The following MPC2 variants were observed in gnomAD, a reference collection of about 807,000 sequenced individuals.
MPC2 encodes the protein mitochondrial pyruvate carrier 2.
In MPC2, 19 loss-of-function variants were observed where a neutral mutation model predicts 19.2. The observed-to-expected ratio is 0.99, with a 90% confidence interval of 0.69 to 1.45. The LOEUF (loss-of-function observed/expected upper bound fraction) is 1.45, where lower values mean the gene tolerates loss of function less well. MPC2 is among the 40% of genes most tolerant of loss of function. MPC2 has a pLI of 0.00. For missense variants in MPC2, 122 were observed against 153.0 expected, an observed-to-expected ratio of 0.80 and a Z score of 1.07; for synonymous variants, 61 against 54.3, an observed-to-expected ratio of 1.12 and a Z score of -0.54.
chr1:167,933,069 C>A (rs1041526597), intron 2 of MPC2, among the ~76,000 whole-genome samples: 5 of 151,952 alleles, frequency 3.3e-5, no homozygotes, highest in African/African-American at 4.8e-5. Context: ...CCAGCAAAAA[C>A]ACATAGGCAA....
At position 167,933,926 on chromosome 1, in the gene MPC2, C is replaced by G. The variant is rs115446165; in HGVS notation, c.109+1807G>C. ...ACATGTTTTAGAGACATTAGATCAT[C>G]TGATTTTCACAACAATCCTGAAATG... On this transcript the variant is annotated intron_variant, in intron 2 of 5. Transcript: ENST00000271373. 6.2e-3 allele frequency among the ~76,000 whole-genome samples: 947 copies of G among 152,286 alleles called. 9 individuals carry two copies. The highest frequency in any genetic ancestry group is 0.022 in the African/African-American group (895 of 41,538).
chr1:167,935,655 T>A, intron 2 of MPC2, 78 bp downstream of exon 2: 1 of 1,230,816 alleles, frequency 8.1e-7, no homozygotes, highest in Non-Finnish European at 1.2e-6. Flanking sequence ...GAGGCAGTTG[T>A]CAGAGGGCCT....
rs890272455 is a variant in MPC2, at chr1:167,917,984, G to A, written c.*339C>T. On this transcript the variant is annotated 3_prime_UTR_variant, in exon 6 of 6. Transcript: ENST00000271373. ...CTGACCATCCTACACTAAATAAGCAGATAATTTAATCTTCCAACTTCTTGA... is the reference window on the plus strand; with the variant it reads ...CTGACCATCCTACACTAAATAAGCAAATAATTTAATCTTCCAACTTCTTGA... The A allele has an allele frequency of 1.1e-5, 2 of 189,614 alleles. No homozygotes were observed. Among genetic ancestry groups the A allele is most frequent in the African/African-American group, 4.7e-5 (2 of 42,708 alleles). The allele number at this position is 189,614 out of a possible 1,614,324, so 11.7% of individuals were successfully genotyped here.
At chr1:167,927,526 G>C (rs1162166735) in intron 2 of MPC2, among the ~76,000 whole-genome samples, 1 of 152,130 alleles carries the variant, frequency 6.6e-6, no homozygotes, top group Non-Finnish European at 1.5e-5. Flanking sequence ...GGCTGAATGG[G>C]TGTTCATTTT....
rs987303571 is a variant in MPC2, at chr1:167,917,151, C to T, written c.*1172G>A. 1 of 152,246 alleles carries T rather than the reference C, an allele frequency of 6.6e-6. No homozygotes were observed. Among genetic ancestry groups the T allele is most frequent in the African/African-American group, 2.4e-5 (1 of 41,464 alleles). The allele number at this position is 152,246 out of a possible 1,614,324, so 9.4% of individuals were successfully genotyped here. On this transcript the variant is annotated 3_prime_UTR_variant, in exon 6 of 6. Transcript: ENST00000271373. ...TTTAGAAAAAAAGCTCTGCACTCCACACTGAAAGTCAAATCAAATAGATAG... is the reference window on the plus strand; with the variant it reads ...TTTAGAAAAAAAGCTCTGCACTCCATACTGAAAGTCAAATCAAATAGATAG...
chr1:167,924,348 C>A, intron 3 of MPC2, 149 bp downstream of exon 3: 1 of 572,338 alleles, frequency 1.7e-6, no homozygotes, highest in Non-Finnish European at 2.9e-6. Context: ...ATGTAGAAAA[C>A]GATATGTCTG....
Position 167,919,119 on chromosome 1 carries a change from C to A in MPC2, c.348-760G>T, listed in dbSNP as rs189020254. On this transcript the variant is annotated intron_variant, in intron 5 of 5. Transcript: ENST00000271373. ...AAAGTAAAATATACTAAAGTAATCA[C>A]TAAAGTAAAATATACTTCTAACCAC... Among the ~76,000 whole-genome samples the A allele has an allele frequency of 2.6e-5, 4 of 152,274 alleles. No homozygotes were observed. The East Asian group carries it at 7.7e-4, about 29-fold the overall frequency.
chr1:167,935,988 C>G, intron 1 of MPC2, 90 bp from the exon 2 acceptor site: 1 of 664,088 alleles, frequency 1.5e-6, no homozygotes, highest in Non-Finnish European at 2.6e-6. Context: ...GCTTTCCCTG[C>G]CCGCTGTGAA....
chr1:167,928,720 A>G (rs1670823241), intron 2 of MPC2, among the ~76,000 whole-genome samples: 2 of 152,276 alleles, frequency 1.3e-5, no homozygotes, highest in African/African-American at 4.8e-5. Flanking sequence ...ATAGGAGAGC[A>G]TAAAAATAGA....
intron 3 of MPC2, 137 bp downstream of exon 3, chr1:167,924,360 G>T: frequency 3.1e-6 from 2 of 645,450 alleles, no homozygotes; most frequent in South Asian, 2.6e-5. Context: ...ATATGTCTGA[G>T]AATATTTGCC....
At position 167,919,635 on chromosome 1, in the gene MPC2, C is replaced by G. The variant is rs1029900286; in HGVS notation, c.347+344G>C. 7.2e-5 allele frequency among the ~76,000 whole-genome samples: 11 copies of G among 152,142 alleles called. No homozygotes were observed. The Middle Eastern group carries it at 0.01, about 141-fold the overall frequency. ...AGGTTTACATAAGAAATTAATAAAT[C>G]ATAAACTGTATATGTTGTCTTAATA... On this transcript the variant is annotated intron_variant, in intron 5 of 5. Transcript: ENST00000271373.
At chr1:167,931,997 T>C (rs1325622485) in intron 2 of MPC2, among the ~76,000 whole-genome samples, 2 of 152,202 alleles carry the variant, frequency 1.3e-5, no homozygotes, top group Non-Finnish European at 2.9e-5. Flanking sequence ...ATGTTAAGAA[T>C]GATATTCTCA....
At position 167,924,518 on chromosome 1, in the gene MPC2, G is replaced by GA. The variant is rs1260419835; in HGVS notation, c.128dup (p.Trp44LeufsTer16). ...TTACCCATTTCATAATTGGAGCCCA[G>GA]AAGAAAACTGTTCTGGGACCTGAAA... On this transcript the variant is annotated frameshift_variant, in exon 3 of 6. Coordinates refer to ENST00000271373, the MANE Select transcript of MPC2 (RefSeq NM_001143674.4). LOFTEE classifies it high-confidence loss of function. The GA allele has an allele frequency of 1.9e-6, 3 of 1,570,000 alleles. No individual in the cohort carries two copies. Among genetic ancestry groups the GA allele is most frequent in the Non-Finnish European group, 1.7e-6 (2 of 1,161,042 alleles).
chr1:167,934,776 C>A (rs916500458), intron 2 of MPC2, among the ~76,000 whole-genome samples: 1 of 152,196 alleles, frequency 6.6e-6, no homozygotes, highest in Non-Finnish European at 1.5e-5. Flanking sequence ...ATTTACAACA[C>A]ATTTTCTAGT....
chr1:167,920,733 G>T, intron 3 of MPC2, 102 bp from the exon 4 acceptor site: 2 of 1,161,536 alleles, frequency 1.7e-6, no homozygotes, highest in Non-Finnish European at 2.4e-6. Flanking sequence ...CCGTAAGTTA[G>T]CAGCTATAAT....
At chr1:167,918,402 G>T in intron 5 of MPC2, 43 bp from the exon 6 acceptor site, 1 of 1,292,472 alleles carries the variant, frequency 7.7e-7, no homozygotes, top group South Asian at 1.3e-5. Flanking sequence ...AATAATAATA[G>T]ACAAATTTAT....
rs114442845 is a variant in MPC2, at chr1:167,930,442, A to G, written c.109+5291T>C. Among the ~76,000 whole-genome samples the G allele has an allele frequency of 5.5e-3, 837 of 152,322 alleles. 7 individuals carry two copies. Among genetic ancestry groups the G allele is most frequent in the African/African-American group, 0.019 (789 of 41,564 alleles). On this transcript the variant is annotated intron_variant, in intron 2 of 5. Coordinates refer to ENST00000271373, the MANE Select transcript of MPC2 (RefSeq NM_001143674.4). ...AGTAAACAAATTACTTGTTTAAAAT[A>G]AATAATCCAACAAGGATAAAAAACT...
chr1:167,918,596 T>TC (rs1320356241), intron 5 of MPC2, among the ~76,000 whole-genome samples: 2 of 89,702 alleles, frequency 2.2e-5, no homozygotes, highest in Non-Finnish European at 5.2e-5. Flanking sequence ...GCCAAAAACT[T>TC]TTTTTTTTTT....
chr1:167,923,272 C>G (rs151216675), intron 3 of MPC2, among the ~76,000 whole-genome samples: 2,572 of 152,208 alleles, frequency 0.017, 30 homozygotes, highest in Non-Finnish European at 0.027. Context: ...TTATTCACAA[C>G]AGCAAAAATG....
Sources: gnomAD v4.1 joint callset for allele counts (sites outside exome capture counted in the v4.1 genomes callset) on GRCh38, gnomAD v4.1.1 for gene constraint, MANE v1.5 for transcripts, NCBI Gene and HGNC (gene_info 2026-07-23, HGNC 2026-07-21) for gene names.